Variants in ZNF280D observed in about 807,000 individuals in gnomAD.
The protein encoded by ZNF280D is zinc finger protein 280D.
Under a neutral mutation model 94.7 loss-of-function variants are expected in ZNF280D, and 39 were observed. The observed-to-expected ratio is 0.41, with a 90% confidence interval of 0.32 to 0.54. The LOEUF is 0.54. Ranked by LOEUF, ZNF280D falls within the 20% of genes least tolerant of loss-of-function variation. ZNF280D has a pLI of 0.22. For synonymous variants in ZNF280D, 398 were observed against 377.6 expected, an observed-to-expected ratio of 1.05 and a Z score of -0.63; for missense variants, 1,090 against 1,149.3, an observed-to-expected ratio of 0.95 and a Z score of 0.75.
At chr15:56,689,571 G>A in intron 7 of ZNF280D, 101 bp from the exon 8 acceptor site, 1 of 731,150 alleles carries the variant, frequency 1.4e-6, no homozygotes, top group Non-Finnish European at 2.0e-6. Context: ...TAATATAATT[G>A]AATTATCATA....
At chr15:56,652,854 T>C in intron 19 of ZNF280D, 1 of 984,460 alleles carries the variant, frequency 1.0e-6, no homozygotes, top group Non-Finnish European at 1.2e-6. Flanking sequence ...AAATTTAAAA[T>C]CTACAAATAG....
intron 1 of ZNF280D, among the ~76,000 whole-genome samples, chr15:56,718,240 T>G (rs991999116): frequency 6.6e-6 from 1 of 152,012 alleles, no homozygotes; most frequent in Non-Finnish European, 1.5e-5. Context: ...TACAATATAA[T>G]GAATGAAGCA....
intron 9 of ZNF280D, among the ~76,000 whole-genome samples, chr15:56,685,899 G>C (rs1156612138): frequency 3.3e-5 from 5 of 152,054 alleles, no homozygotes; most frequent in African/African-American, 1.2e-4. Flanking sequence ...TAAAAGAAGA[G>C]ATTTTCATAT....
intron 6 of ZNF280D, among the ~76,000 whole-genome samples, chr15:56,694,314 C>T (rs990986469): frequency 6.6e-6 from 1 of 151,274 alleles, no homozygotes; most frequent in Admixed American, 6.6e-5. Context: ...CACACACACA[C>T]ACACACACAC....
intron 1 of ZNF280D, among the ~76,000 whole-genome samples, chr15:56,725,809 C>T (rs72744987): frequency 0.024 from 3,580 of 151,490 alleles, 75 homozygotes; most frequent in South Asian, 0.052. Flanking sequence ...GGGGAATATT[C>T]AGGTGATTAA....
chr15:56,648,157 G>A (rs2053007179), intron 19 of ZNF280D, among the ~76,000 whole-genome samples: 1 of 151,984 alleles, frequency 6.6e-6, no homozygotes, highest in South Asian at 2.1e-4. Flanking sequence ...ATCATGCCAG[G>A]GAAACTGAAA....
chr15:56,693,109 A>T lies in ZNF280D; in HGVS notation c.488T>A (p.Leu163His), dbSNP rs1156858647. The T allele has an allele frequency of 6.3e-7, 1 of 1,598,756 alleles. No homozygotes were observed. Among genetic ancestry groups the T allele is most frequent in the Non-Finnish European group, 8.5e-7 (1 of 1,170,564 alleles). Residue 163 changes from leucine to histidine, a missense_variant, in exon 7 of 22, where the codon CTT becomes CAT. Physicochemically the swap from Leu to His is moderately conservative, Grantham distance 99. Coordinates refer to ENST00000267807, the MANE Select transcript of ZNF280D (RefSeq NM_017661.4). ...GLSHYQGGPT[L>H]SMAGMSESSF... Reference sequence around the variant, plus strand: ...ATACTAAAACCAACCTGCCATAGAAAGTGTTGGTCCCCCTTGGTAATGTGA... The same window carrying T: ...ATACTAAAACCAACCTGCCATAGAATGTGTTGGTCCCCCTTGGTAATGTGA...
chr15:56,661,617 G>C lies in ZNF280D; in HGVS notation c.1995-3131C>G, dbSNP rs149158776. On this transcript the variant is annotated intron_variant, in intron 16 of 21. Transcript: ENST00000267807. The stretch of plus-strand genomic sequence containing the variant: ...GAAATTTTAAAAATCATCCCTCAAA[G>C]CCTAAGTGAAATTTACAGAAAATCT... 1.9e-3 allele frequency among the ~76,000 whole-genome samples: 292 copies of C among 152,058 alleles called. 1 individual carries two copies. Among genetic ancestry groups the C allele is most frequent in the African/African-American group, 6.7e-3 (279 of 41,476 alleles).
chr15:56,728,751 GCATT>G (rs1422720121), intron 1 of ZNF280D, among the ~76,000 whole-genome samples: 3 of 152,148 alleles, frequency 2.0e-5, no homozygotes, highest in African/African-American at 7.2e-5. Flanking sequence ...GTGTGAAAGT[GCATT>G]CATTACTTCC....
intron 14 of ZNF280D, chr15:56,667,961 A>G (rs1390670872): frequency 1.5e-5 from 3 of 200,916 alleles, no homozygotes; most frequent in African/African-American, 7.2e-5. Flanking sequence ...ATTATTATTA[A>G]TAAGGGAAAA....
At chr15:56,668,740 A>G in intron 14 of ZNF280D, 83 bp downstream of exon 14, 1 of 1,281,458 alleles carries the variant, frequency 7.8e-7, no homozygotes, top group South Asian at 1.6e-5. Context: ...AGTCATTTAA[A>G]AATACATTCA....
chr15:56,643,218 CATTT>C (rs1367253022), intron 19 of ZNF280D: 3 of 307,528 alleles, frequency 9.8e-6, no homozygotes, highest in Non-Finnish European at 1.8e-5. Flanking sequence ...TCAATAAAGA[CATTT>C]ATTTCCTTGT....
intron 18 of ZNF280D, 37 bp downstream of exon 18, chr15:56,654,348 G>C: frequency 1.3e-6 from 2 of 1,595,032 alleles, no homozygotes; most frequent in African/African-American, 1.4e-5. Context: ...TGGAATAAAA[G>C]TCAAAAATCT....
chr15:56,666,463 C>A lies in ZNF280D; in HGVS notation c.1926G>T (p.Thr642=). 6.2e-7 allele frequency: 1 copy of A among 1,601,672 alleles called. No homozygotes were observed. The highest frequency in any genetic ancestry group is 1.1e-5 in the South Asian group (1 of 88,124). ...ATCTGCAAAAACTACAGTGGACGTA[C>A]GTAGGAAAGTGGTTTGCAAAATCTT... is the stretch of plus-strand genomic sequence containing the variant. ...EIKDFANHFP[T]YVHCSFCRYN... is the part of the protein sequence containing the mutation. The change falls in exon 16 of 22, where the codon ACG becomes ACT. Residue 642 remains threonine (T), a synonymous_variant. Coordinates refer to ENST00000267807, the MANE Select transcript of ZNF280D (RefSeq NM_017661.4).
chr15:56,719,330 TAAAAAAA>T (rs1242302063), intron 1 of ZNF280D, among the ~76,000 whole-genome samples: 33 of 127,628 alleles, frequency 2.6e-4, no homozygotes, highest in East Asian at 1.2e-3. Flanking sequence ...AATGGTTGTT[TAAAAAAA>T]AAAACAAAAA....
intron 19 of ZNF280D, among the ~76,000 whole-genome samples, chr15:56,650,324 A>G (rs1249646851): frequency 6.6e-6 from 1 of 152,164 alleles, no homozygotes; most frequent in East Asian, 1.9e-4. Flanking sequence ...ATAAAGTATA[A>G]TACACACATT....
chr15:56,646,922 G>A (rs1031980024), intron 19 of ZNF280D, among the ~76,000 whole-genome samples: 1 of 152,018 alleles, frequency 6.6e-6, no homozygotes, highest in Non-Finnish European at 1.5e-5. Context: ...ATGAAACAGA[G>A]AAAGTATGAA....
chr15:56,690,567 T>C (rs1353233241), intron 7 of ZNF280D, among the ~76,000 whole-genome samples: 3 of 152,182 alleles, frequency 2.0e-5, no homozygotes, highest in Admixed American at 6.5e-5. Flanking sequence ...AAATTTTGCA[T>C]AAAATTTTTA....
chr15:56,654,404 G>T lies in ZNF280D; in HGVS notation c.2157C>A (p.Cys719Ter), dbSNP rs767442303. The T allele has an allele frequency of 6.2e-7, 1 of 1,605,180 alleles. No homozygotes were observed. Among genetic ancestry groups the T allele is most frequent in the Non-Finnish European group, 8.5e-7 (1 of 1,177,814 alleles). ...ACGTACCTTTCTGCATTACAACTTG[G>T]CAAGTATGAGTTTTATGTTGACTTA... is the stretch of plus-strand genomic sequence containing the variant. ...THLSQHKTHT[C>*]QVVMQKVSVC... Residue 719 changes from cysteine (C) to a stop codon, truncating the protein, a stop_gained, in exon 18 of 22, where the codon TGC (cysteine) becomes TGA (stop). Coordinates refer to ENST00000267807, the MANE Select transcript of ZNF280D (RefSeq NM_017661.4). LOFTEE classifies it high-confidence loss of function.
Sources: allele counts gnomAD v4.1 joint callset (sites outside exome capture counted in the v4.1 genomes callset), GRCh38; gene constraint gnomAD v4.1.1; transcripts MANE v1.5; gene names NCBI Gene and HGNC (gene_info 2026-07-23, HGNC 2026-07-21).